The following TOP2B variants were observed in gnomAD, a reference collection of about 807,000 sequenced individuals.
TOP2B encodes the protein DNA topoisomerase II beta.
A neutral mutation model predicts 193.5 loss-of-function variants in TOP2B; 51 were observed. The ratio of observed to expected loss-of-function variants is 0.26; its 90% CI spans 0.21 to 0.33. The LOEUF (loss-of-function observed/expected upper bound fraction) is 0.33. TOP2B is among the 10% of genes least tolerant of loss of function. TOP2B has a pLI of 1.00. For missense variants in TOP2B, 1,378 were observed against 1,909.3 expected (o/e 0.72, Z 5.19); for synonymous variants, 634 against 635.7 (o/e 1.00, Z 0.04).
chr3:25,642,937 C>T (rs1329164600), intron 3 of TOP2B, among the ~76,000 whole-genome samples: 6 of 152,112 alleles, frequency 3.9e-5, no homozygotes, highest in African/African-American at 1.2e-4. Context: ...GAAATTTGAA[C>T]ACAATCATAG....
At chr3:25,615,732 A>C in intron 25 of TOP2B, 146 bp from the exon 26 acceptor site, 1 of 655,510 alleles carries the variant, frequency 1.5e-6, no homozygotes, top group Non-Finnish European at 2.2e-6. Context: ...TGGATTACCT[A>C]TAAAAATATA....
intron 10 of TOP2B, among the ~76,000 whole-genome samples, chr3:25,632,015 TGCAAA>T (rs1702973750): frequency 2.0e-5 from 3 of 152,162 alleles, no homozygotes; most frequent in Admixed American, 2.0e-4. Context: ...AAAAATTATG[TGCAAA>T]GCAAAGCAAT....
In TOP2B at chr3:25,638,259, T is replaced by A; in HGVS notation, c.447A>T (p.Val149=). 1 of 1,502,454 alleles carries A rather than the reference T, an allele frequency of 6.7e-7. No individual in the cohort carries two copies. Among genetic ancestry groups the A allele is most frequent in the South Asian group, 1.2e-5 (1 of 81,756 alleles). The allele number at this position is 1,502,454 out of a possible 1,614,324, so 93.1% of individuals were successfully genotyped here. The change falls in exon 5 of 36, where the codon GTA becomes GTT. Residue 149 remains valine (V), a synonymous_variant. Transcript: ENST00000264331. Reference sequence around the variant, plus strand: ...CATAAACTTTCTCTACCTTGTGTTCTACTACTGGAATGCCTTTCCCATTAT... The same window carrying A: ...CATAAACTTTCTCTACCTTGTGTTCAACTACTGGAATGCCTTTCCCATTAT... The part of the protein sequence containing the change: ...IWNNGKGIPV[V]EHKVEKVYVP...
chr3:25,607,863 C>G (rs1702272595), intron 30 of TOP2B, among the ~76,000 whole-genome samples: 1 of 152,210 alleles, frequency 6.6e-6, no homozygotes, highest in South Asian at 2.1e-4. Context: ...CTCACTGCAG[C>G]CTCAAACTCC....
At chr3:25,653,316 A>G (rs972570088) in intron 1 of TOP2B, among the ~76,000 whole-genome samples, 3 of 152,148 alleles carry the variant, frequency 2.0e-5, no homozygotes, top group Admixed American at 6.5e-5. Context: ...AGAAGACAGA[A>G]CAAGAGGACT....
intron 33 of TOP2B, among the ~76,000 whole-genome samples, chr3:25,604,481 C>A (rs1481887695): frequency 6.6e-6 from 1 of 152,086 alleles, no homozygotes; most frequent in Non-Finnish European, 1.5e-5. Flanking sequence ...ATTTTAATCT[C>A]CATTACAACC....
chr3:25,618,771 A>T lies in TOP2B; in HGVS notation c.3142T>A (p.Leu1048Ile), dbSNP rs1436322277. 2 of 1,613,086 alleles carry T rather than the reference A, an allele frequency of 1.2e-6. No individual in the cohort carries two copies. Among genetic ancestry groups the T allele is most frequent in the South Asian group, 1.1e-5 (1 of 90,956 alleles). Residue 1048 changes from leucine to isoleucine, a missense_variant, in exon 24 of 36, where the codon TTA (leucine) becomes ATA (isoleucine). By Grantham distance (5) the Leu-to-Ile change is conservative. Around this residue, in one of 9 missense-constraint regions of TOP2B, gnomAD observed 379 missense variants for 615.1 expected, o/e 0.62. Coordinates refer to ENST00000264331, the MANE Select transcript of TOP2B (RefSeq NM_001330700.2). ...DILKEFFDLR[L>I]SYYGLRKEWL... ...TCCTTACGTAAACCGTAATAACTTA[A>T]TCGTAAATCAAAGAATTCTTTCAGA... is the stretch of plus-strand genomic sequence containing the variant.
chr3:25,639,473 A>C (rs1240512952), intron 4 of TOP2B, among the ~76,000 whole-genome samples: 1 of 152,040 alleles, frequency 6.6e-6, no homozygotes, highest in Non-Finnish European at 1.5e-5. Flanking sequence ...ACGACTGGCT[A>C]ATTTTTGTAT....
chr3:25,664,062 A>T (rs1704004513), intron 1 of TOP2B, among the ~76,000 whole-genome samples, 167 bp downstream of exon 1: 1 of 152,112 alleles, frequency 6.6e-6, no homozygotes, highest in Non-Finnish European at 1.5e-5. Flanking sequence ...AAAGAAAGAA[A>T]AGGCGCGGGG....
intron 3 of TOP2B, 60 bp downstream of exon 3, chr3:25,643,633 AT>A: frequency 7.8e-7 from 1 of 1,280,486 alleles, no homozygotes; most frequent in South Asian, 1.2e-5. Flanking sequence ...GGCTTTATAT[AT>A]AAAAGGACAC....
At chr3:25,610,708 T>A (rs754325371) in intron 28 of TOP2B, among the ~76,000 whole-genome samples, 4 of 152,172 alleles carry the variant, frequency 2.6e-5, no homozygotes, top group Admixed American at 6.5e-5. Flanking sequence ...TTTTTAAGCC[T>A]AACAATCAGA....
At position 25,645,260 on chromosome 3, in the gene TOP2B, T is replaced by A. The variant is rs771143598; in HGVS notation, c.240+40A>T. On this transcript the variant is annotated intron_variant, in intron 2 of 35. Coordinates refer to ENST00000264331, the MANE Select transcript of TOP2B (RefSeq NM_001330700.2). ...CAACATATTAAAAAGTAAATATAGA[T>A]GCACATCTCCTAATTTCAATCAATT... 2.1e-6 allele frequency: 3 copies of A among 1,459,750 alleles called. No individual in the cohort carries two copies. The African/African-American group carries it at 4.3e-5, about 21-fold the overall frequency. 90.4% of individuals were successfully genotyped at this position (1,459,750 alleles called of 1,614,324 possible).
In TOP2B at chr3:25,624,700, C is replaced by T. The variant is rs753548384; in HGVS notation, c.2328G>A (p.Ser776=). 1.5e-5 allele frequency: 24 copies of T among 1,613,584 alleles called. No individual in the cohort carries two copies. The highest frequency in any genetic ancestry group is 1.6e-4 in the Middle Eastern group (1 of 6,084). Residue 776 remains serine (S), a synonymous_variant, in exon 19 of 36, where the codon TCG becomes TCA. Coordinates refer to ENST00000264331, the MANE Select transcript of TOP2B (RefSeq NM_001330700.2). ...AQLAGSVAEM[S]AYHHGEQALM... ...TGCTTACTTCTCCATGATGATAAGC[C>T]GACATCTCAGCAACAGAGCCAGCCA...
At position 25,627,235 on chromosome 3, in the gene TOP2B, G is replaced by A. The variant is rs189565377; in HGVS notation, c.1968C>T (p.Arg656=). The A allele has an allele frequency of 6.8e-6, 11 of 1,610,442 alleles. No homozygotes were observed. In the East Asian group the frequency reaches 2.2e-4, roughly 33 times the overall value. Residue 656 remains arginine, a synonymous_variant, in exon 16 of 36, where the codon CGC becomes CGT. Coordinates refer to ENST00000264331, the MANE Select transcript of TOP2B (RefSeq NM_001330700.2). ...CAGGACCAGCATATCTAAACAAGAT[G>A]CGATGCCTTTCCATATCAGCAAAAT... The part of the protein sequence containing the change: ...KEYFADMERH[R]ILFRYAGPED...
chr3:25,662,539 T>C (rs1703947881), intron 1 of TOP2B, among the ~76,000 whole-genome samples: 2 of 152,236 alleles, frequency 1.3e-5, no homozygotes, highest in Non-Finnish European at 2.9e-5. Flanking sequence ...TAATCTGCTT[T>C]ATAATGAAAA....
intron 30 of TOP2B, among the ~76,000 whole-genome samples, chr3:25,608,675 CT>C (rs1702294875): frequency 6.6e-6 from 1 of 152,060 alleles, no homozygotes; most frequent in South Asian, 2.1e-4. Context: ...AACACTTCTC[CT>C]TAATGAAAAT....
At position 25,621,911 on chromosome 3, in the gene TOP2B, C is replaced by A. The variant is rs575744383; in HGVS notation, c.2728-1095G>T. On this transcript the variant is annotated intron_variant, in intron 21 of 35. Transcript: ENST00000264331. ...GGCTGAGACAGCAGAATCACTTGAA[C>A]CTGGGAGACAGAGGTTGCAGTGACC... Among the ~76,000 whole-genome samples, 3 of 151,944 alleles carry A rather than the reference C, an allele frequency of 2.0e-5. No individual in the cohort carries two copies. In the South Asian group the frequency reaches 6.3e-4, roughly 32 times the overall value.
rs1559490134 is a variant in TOP2B at position 25,602,418 on chromosome 3, A to AAAAAAAAAAAAAG, written c.4490-1194_4490-1193insCTTTTTTTTTTTT. On this transcript the variant is annotated intron_variant, in intron 33 of 35. Coordinates refer to ENST00000264331, the MANE Select transcript of TOP2B (RefSeq NM_001330700.2). Reference sequence around the variant, plus strand: ...TCTCAAAAAAAAAAAAAGAAAAAGAAAAAAAAAAAACTGATAAATCACTTT... The same window carrying AAAAAAAAAAAAAG: ...TCTCAAAAAAAAAAAAAGAAAAAGAAAAAAAAAAAAAAGAAAAAAAAAACTGATAAATCACTTT... Among the ~76,000 whole-genome samples, 26 of 105,072 alleles carry AAAAAAAAAAAAAG rather than the reference A, an allele frequency of 2.5e-4. 1 individual carries two copies. Among genetic ancestry groups the AAAAAAAAAAAAAG allele is most frequent in the Non-Finnish European group, 3.7e-4 (20 of 53,932 alleles). 68.9% of individuals were successfully genotyped at this position (105,072 alleles called of 152,430 possible).
intron 1 of TOP2B, among the ~76,000 whole-genome samples, chr3:25,660,279 C>T (rs1703870231): frequency 6.6e-6 from 1 of 152,142 alleles, no homozygotes; most frequent in Non-Finnish European, 1.5e-5. Flanking sequence ...GACTGGATTA[C>T]GTATCCAGTT....
Sources: allele counts gnomAD v4.1 joint callset (sites outside exome capture counted in the v4.1 genomes callset), GRCh38; gene constraint gnomAD v4.1.1; regional missense constraint gnomAD v4.1.1; transcripts MANE v1.5; gene names NCBI Gene and HGNC (gene_info 2026-07-23, HGNC 2026-07-21).